The following RORA variants were observed in gnomAD, a reference collection of about 807,000 sequenced individuals.
The protein encoded by RORA is nuclear receptor ROR-alpha.
RORA carries 7 observed loss-of-function variants against 69.5 expected under a neutral mutation model. The ratio of observed to expected loss-of-function variants is 0.10; its 90% CI spans 0.06 to 0.19. The LOEUF (loss-of-function observed/expected upper bound fraction) is 0.19, where lower values mean the gene tolerates loss of function less well. Among genes scored for constraint, RORA ranks in the 10% least tolerant of loss-of-function variants. The probability of loss-of-function intolerance (pLI) is 1.00; values close to 1 mark genes in which losing one functional copy is unlikely to be tolerated. For synonymous variants in RORA, 261 were observed against 240.8 expected (o/e 1.08, Z -0.78); for missense variants, 457 against 663.0 (o/e 0.69, Z 3.41).
chr15:60,654,543 C>T (rs544452990), intron 2 of RORA, among the ~76,000 whole-genome samples: 1 of 152,280 alleles, frequency 6.6e-6, no homozygotes, highest in Non-Finnish European at 1.5e-5. Flanking sequence ...TGTCCCCACC[C>T]CCACTCCCCA....
chr15:61,033,540 A>C (rs928308834), intron 1 of RORA, among the ~76,000 whole-genome samples: 2 of 152,182 alleles, frequency 1.3e-5, no homozygotes, highest in African/African-American at 4.8e-5. Flanking sequence ...TTTATCTCCA[A>C]ATTGACCTAG....
At chr15:61,219,375 C>G (rs538419553) in intron 1 of RORA, among the ~76,000 whole-genome samples, 10 of 152,152 alleles carry the variant, frequency 6.6e-5, no homozygotes, top group Non-Finnish European at 1.5e-4. Flanking sequence ...GAGATCGAGA[C>G]CAACCTGGCG....
intron 1 of RORA, among the ~76,000 whole-genome samples, chr15:61,068,927 T>C (rs1333766094): frequency 6.6e-6 from 1 of 152,212 alleles, no homozygotes; most frequent in Non-Finnish European, 1.5e-5. Flanking sequence ...TTATGAACCA[T>C]TTCCCCCTGA....
intron 1 of RORA, among the ~76,000 whole-genome samples, chr15:60,893,272 G>C (rs1435226835): frequency 6.6e-6 from 1 of 152,216 alleles, no homozygotes; most frequent in Non-Finnish European, 1.5e-5. Context: ...ACAGCAATTA[G>C]CAGCCATGTC....
At chr15:60,572,786 T>C (rs1195890281) in intron 2 of RORA, among the ~76,000 whole-genome samples, 2 of 152,206 alleles carry the variant, frequency 1.3e-5, no homozygotes, top group Admixed American at 1.3e-4. Context: ...AAGTTTCAAG[T>C]GTTTACCTTG....
At chr15:61,127,206 T>C (rs1666800521) in intron 1 of RORA, among the ~76,000 whole-genome samples, 1 of 152,204 alleles carries the variant, frequency 6.6e-6, no homozygotes, top group Admixed American at 6.5e-5. Flanking sequence ...TGTTAAACAA[T>C]GCTTGGCAGT....
chr15:60,607,938 CA>C (rs1390364118), intron 2 of RORA, among the ~76,000 whole-genome samples: 1 of 152,206 alleles, frequency 6.6e-6, no homozygotes, highest in Non-Finnish European at 1.5e-5. Context: ...ATGCTTTATC[CA>C]TGCACACACA....
At chr15:61,078,632 A>T (rs2078490119) in intron 1 of RORA, among the ~76,000 whole-genome samples, 1 of 152,228 alleles carries the variant, frequency 6.6e-6, no homozygotes, top group Admixed American at 6.5e-5. Flanking sequence ...AAGTCATAGT[A>T]ACAGTGGTAA....
chr15:60,978,630 T>C (rs1893943664), intron 1 of RORA, among the ~76,000 whole-genome samples: 1 of 152,200 alleles, frequency 6.6e-6, no homozygotes, highest in Admixed American at 6.5e-5. Context: ...CCTATGTTTC[T>C]TTCTAAGAGA....
At chr15:60,589,143 G>C (rs2068423304) in intron 2 of RORA, among the ~76,000 whole-genome samples, 1 of 152,322 alleles carries the variant, frequency 6.6e-6, no homozygotes, top group East Asian at 1.9e-4. Flanking sequence ...AAAAATCCCA[G>C]TGAAGGGATA....
At chr15:61,200,630 C>T (rs2079886860) in intron 1 of RORA, among the ~76,000 whole-genome samples, 1 of 152,188 alleles carries the variant, frequency 6.6e-6, no homozygotes. Flanking sequence ...AATTGTGGCA[C>T]CTTGAAACAC....
intron 1 of RORA, among the ~76,000 whole-genome samples, chr15:60,703,509 A>G (rs971805155): frequency 8.5e-5 from 13 of 152,158 alleles, no homozygotes; most frequent in African/African-American, 3.1e-4. Flanking sequence ...TAATGCACAC[A>G]AATTATGATC....
At chr15:61,168,865 C>G (rs2079561180) in intron 1 of RORA, among the ~76,000 whole-genome samples, 2 of 152,076 alleles carry the variant, frequency 1.3e-5, no homozygotes, top group Admixed American at 1.3e-4. Flanking sequence ...TGCTTACCTC[C>G]CAAAGTCTCT....
Position 60,799,975 on chromosome 15 carries a change from C to G in RORA, c.167-121289G>C, listed in dbSNP as rs113930043. Among the ~76,000 whole-genome samples, 1,457 of 152,306 alleles carry G rather than the reference C, an allele frequency of 9.6e-3. 28 individuals carry two copies. The highest frequency in any genetic ancestry group is 0.033 in the African/African-American group (1,361 of 41,572). On this transcript the variant is annotated intron_variant, in intron 1 of 10. Coordinates refer to ENST00000335670, the MANE Select transcript of RORA (RefSeq NM_134261.3). Reference sequence around the variant, plus strand: ...TAAAAAATTGTCTCTGGCTCTGTTTCCTATAGAGGGCTGCAGCCAGGGCTG... The same window carrying G: ...TAAAAAATTGTCTCTGGCTCTGTTTGCTATAGAGGGCTGCAGCCAGGGCTG...
chr15:60,629,729 T>G (rs139533728), intron 2 of RORA, among the ~76,000 whole-genome samples: 170 of 152,314 alleles, frequency 1.1e-3, no homozygotes, highest in African/African-American at 3.9e-3. Flanking sequence ...AGCAATGTAC[T>G]AGGTGTGGGC....
At chr15:60,668,176 TA>T (rs1348513234) in intron 2 of RORA, among the ~76,000 whole-genome samples, 3 of 152,156 alleles carry the variant, frequency 2.0e-5, no homozygotes, top group Non-Finnish European at 2.9e-5. Context: ...TCACTCCACG[TA>T]GATCAGTTCG....
At chr15:60,712,134 A>G (rs1353226000) in intron 1 of RORA, among the ~76,000 whole-genome samples, 3 of 152,194 alleles carry the variant, frequency 2.0e-5, no homozygotes, top group African/African-American at 7.2e-5. Context: ...CCTACATAGG[A>G]CATGTTGATA....
chr15:61,164,296 G>A (rs576897116), intron 1 of RORA, among the ~76,000 whole-genome samples: 5 of 152,134 alleles, frequency 3.3e-5, no homozygotes, highest in East Asian at 1.9e-4. Context: ...TACCAGCAGC[G>A]GCTGGCAGGC....
intron 1 of RORA, among the ~76,000 whole-genome samples, chr15:61,100,304 G>T (rs1456496951): frequency 6.6e-6 from 1 of 152,020 alleles, no homozygotes; most frequent in Non-Finnish European, 1.5e-5. Flanking sequence ...ATTTTTAGTA[G>T]AGATGGGGTT....
Sources: allele counts gnomAD v4.1 joint callset (sites outside exome capture counted in the v4.1 genomes callset), GRCh38; gene constraint gnomAD v4.1.1; transcripts MANE v1.5; gene names NCBI Gene and HGNC (gene_info 2026-07-23, HGNC 2026-07-21).